Variants in RPSA2 observed in about 807,000 individuals in gnomAD.
RPSA2 encodes the protein small ribosomal subunit protein uS2B.
the RPSA2 span, among the ~76,000 whole-genome samples, chr19:23,765,778 A>C: frequency 2.0e-5 from 3 of 152,234 alleles, no homozygotes; most frequent in Non-Finnish European, 4.4e-5. Context: ...TAAAAGTTAA[A>C]AAAATAATTT....
chr19:23,779,693 A>G, the RPSA2 span, among the ~76,000 whole-genome samples: 1 of 152,184 alleles, frequency 6.6e-6, no homozygotes, highest in Non-Finnish European at 1.5e-5. Context: ...ACCTAGAAGA[A>G]TGGGAGACTT....
the RPSA2 span, chr19:23,833,073 C>T: frequency 1.5e-6 from 2 of 1,314,556 alleles, no homozygotes; most frequent in African/African-American, 1.5e-5. Context: ...AAGAATGTGG[C>T]AAATCTTTTA....
the RPSA2 span, chr19:23,842,458 G>A: frequency 3.3e-5 from 5 of 151,796 alleles, no homozygotes; most frequent in African/African-American, 1.2e-4. Flanking sequence ...GTAAAACAGA[G>A]CCAACTCTCT....
At chr19:23,826,031 C>CAAAAAAAA in the RPSA2 span, among the ~76,000 whole-genome samples, 2 of 143,424 alleles carry the variant, frequency 1.4e-5, no homozygotes, top group Admixed American at 7.0e-5. Flanking sequence ...TATTTCTTGT[C>CAAAAAAAA]AAAAAAAAAC....
chr19:23,782,320 T>G, the RPSA2 span: 1 of 152,240 alleles, frequency 6.6e-6, no homozygotes, highest in African/African-American at 2.4e-5. Context: ...GACATATGAC[T>G]GTCCCTAACA....
chr19:23,860,790 A>G, the RPSA2 span, among the ~76,000 whole-genome samples: 2 of 152,232 alleles, frequency 1.3e-5, no homozygotes, highest in African/African-American at 4.8e-5. Flanking sequence ...AGCATGCATG[A>G]CTTCAATTCT....
chr19:23,823,184 C>T, the RPSA2 span, among the ~76,000 whole-genome samples: 4 of 152,158 alleles, frequency 2.6e-5, no homozygotes, highest in Admixed American at 6.5e-5. Context: ...CCATAGTCCC[C>T]GAATAACCTT....
At chr19:23,776,352 T>C in the RPSA2 span, among the ~76,000 whole-genome samples, 1 of 152,198 alleles carries the variant, frequency 6.6e-6, no homozygotes, top group Non-Finnish European at 1.5e-5. Context: ...TTTGGACATA[T>C]CACTGTGCCT....
At chr19:23,861,411 C>T in the RPSA2 span, among the ~76,000 whole-genome samples, 8 of 152,058 alleles carry the variant, frequency 5.3e-5, no homozygotes, top group Non-Finnish European at 1.0e-4. Context: ...CACAGAGGAC[C>T]AACAGAATTG....
At chr19:23,760,661 A>G in the RPSA2 span, among the ~76,000 whole-genome samples, 1 of 80,582 alleles carries the variant, frequency 1.2e-5, no homozygotes, top group Non-Finnish European at 3.2e-5. Flanking sequence ...ATATATATAT[A>G]TATATATATT....
chr19:23,818,684 C>T, the RPSA2 span: 1 of 152,240 alleles, frequency 6.6e-6, no homozygotes, highest in Non-Finnish European at 1.5e-5. Flanking sequence ...ATCCATCTGC[C>T]CATGTGGCTG....
the RPSA2 span, among the ~76,000 whole-genome samples, chr19:23,858,032 C>A: frequency 6.6e-6 from 1 of 151,572 alleles, no homozygotes; most frequent in African/African-American, 2.4e-5. Context: ...ATGTTTATTG[C>A]ATAGAATCAT....
At chr19:23,768,374 C>T in the RPSA2 span, among the ~76,000 whole-genome samples, 2 of 151,012 alleles carry the variant, frequency 1.3e-5, no homozygotes, top group Admixed American at 6.6e-5. Flanking sequence ...CCATCAGCTC[C>T]TCTTTTTTTC....
the RPSA2 span, among the ~76,000 whole-genome samples, chr19:23,801,393 C>T: frequency 1.3e-5 from 2 of 152,274 alleles, no homozygotes; most frequent in East Asian, 3.9e-4. Flanking sequence ...CATGTGCCAT[C>T]ACACCTGGCT....
the RPSA2 span, among the ~76,000 whole-genome samples, chr19:23,833,739 C>T: frequency 6.6e-6 from 1 of 152,030 alleles, no homozygotes; most frequent in African/African-American, 2.4e-5. Flanking sequence ...TAATTACTGT[C>T]CAAAGATCTA....
chr19:23,864,000 A>G, the RPSA2 span, among the ~76,000 whole-genome samples: 1 of 152,208 alleles, frequency 6.6e-6, no homozygotes. Context: ...GAGCAAAATC[A>G]ATGAGAAACT....
the RPSA2 span, among the ~76,000 whole-genome samples, chr19:23,826,133 A>AAAG: frequency 6.6e-6 from 1 of 151,678 alleles, no homozygotes; most frequent in Non-Finnish European, 1.5e-5. Flanking sequence ...TTTATCTTGC[A>AAAG]AAGCTAAATC....
At chr19:23,759,522 G>GTTTTTTTTTTT in the RPSA2 span, among the ~76,000 whole-genome samples, 1,657 of 88,998 alleles carry the variant, frequency 0.019, 236 homozygotes, top group South Asian at 0.076. Flanking sequence ...TATATATCAG[G>GTTTTTTTTTTT]TTTTTTTTTT....
the RPSA2 span, among the ~76,000 whole-genome samples, chr19:23,845,706 C>T: frequency 4.9e-4 from 75 of 152,248 alleles, no homozygotes; most frequent in African/African-American, 1.8e-3. Flanking sequence ...TTGCTCAGGC[C>T]GTCTCAAACT....
Sources: gnomAD v4.1 joint callset for allele counts (sites outside exome capture counted in the v4.1 genomes callset) on GRCh38, gnomAD v4.1.1 for gene constraint, MANE v1.5 for transcripts, NCBI Gene and HGNC (gene_info 2026-07-23, HGNC 2026-07-21) for gene names.